TTI2: variants seen among roughly 807,000 people sequenced by gnomAD.
TTI2 encodes TELO2-interacting protein 2.
In TTI2, 26 loss-of-function variants were observed where a neutral mutation model predicts 44.9. That is an observed-to-expected ratio of 0.58 (90% CI 0.42 to 0.80). The LOEUF (loss-of-function observed/expected upper bound fraction) is 0.80, where lower values mean the gene tolerates loss of function less well. Among genes scored for constraint, TTI2 ranks in the 30% least tolerant of loss-of-function variants. The pLI, the probability that TTI2 is intolerant of heterozygous loss-of-function variation, is 0.00. For synonymous variants in TTI2, 254 were observed against 250.9 expected, an observed-to-expected ratio of 1.01 and a Z score of -0.12; for missense variants, 582 against 611.6, an observed-to-expected ratio of 0.95 and a Z score of 0.51.
At chr8:33,499,304 G>GAT (rs774114908) in intron 7 of TTI2, 27 bp from the exon 8 acceptor site, 1 of 1,505,632 alleles carries the variant, frequency 6.6e-7, no homozygotes, top group Non-Finnish European at 9.2e-7. Context: ...AACAGGCTTT[G>GAT]ATATTTTTTT....
In TTI2 at chr8:33,499,107, A is replaced by G. The variant is rs367701489; in HGVS notation, c.*66T>C. On this transcript the variant is annotated 3_prime_UTR_variant, in exon 8 of 8. Transcript: ENST00000431156. ...GTGTAAAAATATCTTTTTTTCTTAA[A>G]TAACTCCATTCATACAAATTGGGAT... is the stretch of plus-strand genomic sequence containing the variant. 7.7e-7 allele frequency: 1 copy of G among 1,304,960 alleles called. No individual in the cohort carries two copies. The highest frequency in any genetic ancestry group is 1.1e-6 in the Non-Finnish European group (1 of 901,934). 80.8% of individuals were successfully genotyped at this position (1,304,960 alleles called of 1,614,324 possible). A position where few individuals can be genotyped will look rare whatever the true frequency, so the allele number is the denominator to read the frequency against.
Position 33,503,741 on chromosome 8 carries a change from G to A in TTI2, c.1115+7C>T, listed in dbSNP as rs199720231. The A allele has an allele frequency of 1.9e-6, 3 of 1,613,030 alleles. No homozygotes were observed. Among genetic ancestry groups the A allele is most frequent in the Admixed American group, 1.7e-5 (1 of 59,920 alleles). On this transcript the variant is annotated splice_region_variant and intron_variant, in intron 5 of 7. Coordinates refer to ENST00000431156, the MANE Select transcript of TTI2 (RefSeq NM_001102401.4). Reference sequence around the variant, plus strand: ...AAATAATAATAAATAAAAGCCCAGGGCCTCACCTGTTCACGAAAGCCGGCA... The same window carrying A: ...AAATAATAATAAATAAAAGCCCAGGACCTCACCTGTTCACGAAAGCCGGCA...
rs769458070 is a variant in TTI2 at position 33,512,574 on chromosome 8, C to G, written c.40G>C (p.Asp14His). The change falls in exon 2 of 8, where the codon GAC becomes CAC. Residue 14 changes from aspartate to histidine, a missense_variant. Coordinates refer to ENST00000431156, the MANE Select transcript of TTI2 (RefSeq NM_001102401.4). ...DSALEAPSQEDSNLSEELSHS... is the reference protein window; with the variant it reads ...DSALEAPSQEHSNLSEELSHS... ...GACAACTCCTCGGACAAATTAGAGT[C>G]TTCCTGCGATGGGGCTTCCAGAGCG... 1.9e-6 allele frequency: 3 copies of G among 1,613,998 alleles called. No homozygotes were observed. In the East Asian group the frequency reaches 6.7e-5, roughly 36 times the overall value.
In TTI2 at chr8:33,500,311, G is replaced by A. The variant is rs927679251; in HGVS notation, c.1422+17C>T. The A allele has an allele frequency of 6.2e-7, 1 of 1,613,996 alleles. No homozygotes were observed. Among genetic ancestry groups the A allele is most frequent in the African/African-American group, 1.3e-5 (1 of 75,048 alleles). ...GATAATGAGGCCCAACTGAAACCAA[G>A]TTTCAGTCTGCCTTACCTTTACCCG... On this transcript the variant is annotated intron_variant, in intron 7 of 7. Coordinates refer to ENST00000431156, the MANE Select transcript of TTI2 (RefSeq NM_001102401.4).
intron 2 of TTI2, among the ~76,000 whole-genome samples, chr8:33,511,027 C>T (rs1307710113): frequency 6.6e-6 from 1 of 152,078 alleles, no homozygotes; most frequent in Admixed American, 6.6e-5. Context: ...CTCTAAATCC[C>T]CCATCCAAAT....
At chr8:33,500,586 C>T (rs1292768049) in intron 6 of TTI2, 96 bp from the exon 7 acceptor site, 2 of 1,456,456 alleles carry the variant, frequency 1.4e-6, no homozygotes, top group African/African-American at 2.9e-5. Context: ...CTATCATTTC[C>T]TAAATTAAGG....
At chr8:33,503,655 AT>A in intron 5 of TTI2, 83 bp from the exon 6 acceptor site, 1 of 1,607,808 alleles carries the variant, frequency 6.2e-7, no homozygotes, top group Non-Finnish European at 8.5e-7. Flanking sequence ...AGGTGGGAGG[AT>A]TGCTTGAGGC....
Position 33,501,772 on chromosome 8 carries a change from ATGT to A in TTI2, c.1260-1285_1260-1283del, listed in dbSNP as rs1234420028. 3.9e-5 allele frequency among the ~76,000 whole-genome samples: 6 copies of A among 152,200 alleles called. No homozygotes were observed. The South Asian group carries it at 1.2e-3, about 32-fold the overall frequency. On this transcript the variant is annotated intron_variant, in intron 6 of 7. Transcript: ENST00000431156. The stretch of plus-strand genomic sequence containing the variant: ...GAATACGGTGCAGAATAGCTACTGT[ATGT>A]TGTTGGGGCACTAGATTCTCTGGCT...
chr8:33,503,935 C>A lies in TTI2; in HGVS notation c.928G>T (p.Ala310Ser), dbSNP rs1809202176. The A allele has an allele frequency of 1.2e-6, 2 of 1,613,948 alleles. No individual in the cohort carries two copies. The highest frequency in any genetic ancestry group is 1.7e-6 in the Non-Finnish European group (2 of 1,179,988). ...LYTPEHHLIQ[A>S]VLLCLLDLFP... is the part of the protein sequence containing the mutation. ...AAATCCAGCAGACACAGGAGCACAG[C>A]CTAGGAGGAAGGAATGGAAGGACGG... Residue 310 changes from alanine (A) to serine (S), a missense_variant and splice_region_variant, in exon 5 of 8, where the codon GCT becomes TCT. Ala to Ser is a moderately conservative substitution (Grantham distance 99, BLOSUM62 1). Coordinates refer to ENST00000431156, the MANE Select transcript of TTI2 (RefSeq NM_001102401.4).
At chr8:33,504,890 C>T (rs1809240570) in intron 4 of TTI2, among the ~76,000 whole-genome samples, 1 of 152,108 alleles carries the variant, frequency 6.6e-6, no homozygotes. Context: ...CCGGCTGTTA[C>T]AATCTGGATT....
rs78781527 is a variant in TTI2, at chr8:33,512,496, G to A, written c.118C>T (p.Pro40Ser). 11,427 of 1,614,082 alleles carry A rather than the reference G, an allele frequency of 7.1e-3. 61 individuals carry two copies. The highest frequency in any genetic ancestry group is 8.7e-3 in the Non-Finnish European group (10,257 of 1,180,038). Residue 40 changes from proline to serine, a missense_variant, in exon 2 of 8, where the codon CCG becomes TCG. Coordinates refer to ENST00000431156, the MANE Select transcript of TTI2 (RefSeq NM_001102401.4). ...TTTACATTGCCTCGTCGTGCCTCCG[G>A]GCGGGCAAGACAGTGTAAAATCTTG... is the stretch of plus-strand genomic sequence containing the variant. Reference protein sequence around the residue: ...FSKILHCLARPEARRGNVKDA... With the variant: ...FSKILHCLARSEARRGNVKDA...
At chr8:33,507,551 T>C (rs923944447) in intron 3 of TTI2, among the ~76,000 whole-genome samples, 3 of 152,214 alleles carry the variant, frequency 2.0e-5, no homozygotes, top group African/African-American at 7.2e-5. Flanking sequence ...GGGTGGGGTA[T>C]GCTTTCCATA....
intron 6 of TTI2, chr8:33,501,205 T>G (rs1220775474): frequency 6.6e-6 from 1 of 151,658 alleles, no homozygotes; most frequent in East Asian, 1.9e-4. Flanking sequence ...GAAAATAATT[T>G]AACTTACAAT....
chr8:33,503,767 G>A lies in TTI2; in HGVS notation c.1096C>T (p.Leu366=), dbSNP rs757641130. 27 of 1,613,732 alleles carry A rather than the reference G, an allele frequency of 1.7e-5. No individual in the cohort carries two copies. Among genetic ancestry groups the A allele is most frequent in the African/African-American group, 4.0e-5 (3 of 74,904 alleles). Residue 366 remains leucine, a synonymous_variant, in exon 5 of 8, where the codon CTG becomes TTG. Transcript: ENST00000431156. The part of the protein sequence containing the change: ...LLLRRTYARN[L]PAFVNRLGIL... Reference sequence around the variant, plus strand: ...CCTCACCTGTTCACGAAAGCCGGCAGGTTTCTTGCGTAGGTCCTGCGTAAA... The same window carrying A: ...CCTCACCTGTTCACGAAAGCCGGCAAGTTTCTTGCGTAGGTCCTGCGTAAA...
intron 3 of TTI2, among the ~76,000 whole-genome samples, chr8:33,509,393 T>C (rs1279102439): frequency 1.4e-5 from 2 of 143,484 alleles, no homozygotes; most frequent in Admixed American, 1.5e-4. Flanking sequence ...GAGGTGGAGG[T>C]TGCAGTGGGA....
chr8:33,503,422 C>T lies in TTI2; in HGVS notation c.1259+7G>A. 6.2e-7 allele frequency: 1 copy of T among 1,614,116 alleles called. No individual in the cohort carries two copies. Among genetic ancestry groups the T allele is most frequent in the Non-Finnish European group, 8.5e-7 (1 of 1,180,008 alleles). ...GGCTGAGTTTTGCACCTTAAGGCTG[C>T]TATTACCTGGGCCAAGTATGTTGCA... is the stretch of plus-strand genomic sequence containing the variant. On this transcript the variant is annotated splice_region_variant and intron_variant, in intron 6 of 7. Transcript: ENST00000431156.
At chr8:33,507,807 G>A (rs1176754481) in intron 3 of TTI2, among the ~76,000 whole-genome samples, 1 of 151,190 alleles carries the variant, frequency 6.6e-6, no homozygotes. Flanking sequence ...AACAGAGCAA[G>A]ACCCTGTCTC....
chr8:33,511,103 C>T (rs1178124501), intron 2 of TTI2, among the ~76,000 whole-genome samples: 1 of 152,066 alleles, frequency 6.6e-6, no homozygotes, highest in Admixed American at 6.6e-5. Context: ...AGTGCAGTGG[C>T]CCGATCTCAG....
At chr8:33,500,029 G>A in intron 7 of TTI2, 1 of 236,890 alleles carries the variant, frequency 4.2e-6, no homozygotes. Flanking sequence ...GACTAGAACA[G>A]AACTTAAATT....
Sources: gnomAD v4.1 joint callset for allele counts (sites outside exome capture counted in the v4.1 genomes callset) on GRCh38, gnomAD v4.1.1 for gene constraint, MANE v1.5 for transcripts, NCBI Gene and HGNC (gene_info 2026-07-23, HGNC 2026-07-21) for gene names.